Variants in TNNI3K observed in about 807,000 individuals in gnomAD.
The protein encoded by TNNI3K is serine/threonine-protein kinase TNNI3K.
Under a neutral mutation model 114.5 loss-of-function variants are expected in TNNI3K, and 140 were observed. That is an observed-to-expected ratio of 1.22 (90% CI 1.07 to 1.41). The LOEUF is 1.41. Among genes scored for constraint, TNNI3K ranks in the 40% most tolerant of loss-of-function variants. The pLI, the probability that TNNI3K is intolerant of heterozygous loss-of-function variation, is 0.00. For missense variants in TNNI3K, 1,125 were observed against 1,007.6 expected (o/e 1.12, Z -1.58); for synonymous variants, 347 against 347.5 (o/e 1.00, Z 0.02).
At chr1:74,270,378 A>C (rs1231472522) in intron 4 of TNNI3K, among the ~76,000 whole-genome samples, 1 of 151,762 alleles carries the variant, frequency 6.6e-6, no homozygotes, top group Non-Finnish European at 1.5e-5. Context: ...GAAAAAAAAA[A>C]CAAAACTTTT....
chr1:74,381,330 C>T (rs972076947), intron 17 of TNNI3K, among the ~76,000 whole-genome samples: 5 of 152,040 alleles, frequency 3.3e-5, no homozygotes, highest in Non-Finnish European at 7.4e-5. Flanking sequence ...ATTTCCAAGA[C>T]GGTTATATTT....
intron 5 of TNNI3K, among the ~76,000 whole-genome samples, chr1:74,327,507 A>AAT (rs1659972741): frequency 6.8e-6 from 1 of 146,926 alleles, no homozygotes; most frequent in African/African-American, 2.5e-5. Flanking sequence ...AGTAGCATTT[A>AAT]ATATATATAT....
chr1:74,519,869 T>G (rs1408951222), intron 23 of TNNI3K, among the ~76,000 whole-genome samples: 1 of 152,076 alleles, frequency 6.6e-6, no homozygotes, highest in Non-Finnish European at 1.5e-5. Flanking sequence ...GCAGTGTGGG[T>G]GTCCTATCTG....
At chr1:74,390,409 G>T (rs1663702322) in intron 17 of TNNI3K, among the ~76,000 whole-genome samples, 1 of 152,072 alleles carries the variant, frequency 6.6e-6, no homozygotes, top group African/African-American at 2.4e-5. Context: ...AATTATAAAA[G>T]GTACAGGAGT....
At chr1:74,458,333 A>T (rs1667313207) in intron 20 of TNNI3K, among the ~76,000 whole-genome samples, 1 of 152,206 alleles carries the variant, frequency 6.6e-6, no homozygotes, top group African/African-American at 2.4e-5. Context: ...ATTAATGCTC[A>T]TGAGGCAAAT....
intron 9 of TNNI3K, among the ~76,000 whole-genome samples, chr1:74,347,497 A>C (rs1439246244): frequency 6.6e-6 from 1 of 152,020 alleles, no homozygotes. Flanking sequence ...ATGATTTATA[A>C]TCCTCTGGGT....
chr1:74,387,988 G>T (rs919499432), intron 17 of TNNI3K, among the ~76,000 whole-genome samples: 7 of 152,012 alleles, frequency 4.6e-5, no homozygotes, highest in Non-Finnish European at 1.5e-5. Context: ...TACCTTTAAA[G>T]AACACTTAAG....
intron 17 of TNNI3K, among the ~76,000 whole-genome samples, chr1:74,429,231 G>T (rs1327028795): frequency 6.6e-6 from 1 of 152,072 alleles, no homozygotes; most frequent in East Asian, 1.9e-4. Context: ...ACCTAGCTAT[G>T]TAAGAAGCAG....
chr1:74,450,555 A>C (rs988997239), intron 20 of TNNI3K, among the ~76,000 whole-genome samples: 2 of 152,166 alleles, frequency 1.3e-5, no homozygotes, highest in African/African-American at 4.8e-5. Flanking sequence ...ACAAATTTAC[A>C]TGAAAAAAAA....
chr1:74,405,246 GT>G (rs1557546763), intron 17 of TNNI3K, among the ~76,000 whole-genome samples: 3 of 152,138 alleles, frequency 2.0e-5, no homozygotes, highest in African/African-American at 7.2e-5. Flanking sequence ...ACAAAAAGTT[GT>G]GGAGAGCTTA....
chr1:74,388,661 T>C (rs1367277582), intron 17 of TNNI3K, among the ~76,000 whole-genome samples: 1 of 152,234 alleles, frequency 6.6e-6, no homozygotes, highest in Non-Finnish European at 1.5e-5. Context: ...ACTTTATATT[T>C]ATTTATCTTT....
chr1:74,278,637 T>C (rs182919791), intron 5 of TNNI3K, among the ~76,000 whole-genome samples: 22 of 152,296 alleles, frequency 1.4e-4, no homozygotes, highest in Admixed American at 2.6e-4. Flanking sequence ...AATTCATCCA[T>C]TTAAAATGTA....
At chr1:74,350,933 G>A (rs552262531) in intron 9 of TNNI3K, among the ~76,000 whole-genome samples, 100 of 152,136 alleles carry the variant, frequency 6.6e-4, no homozygotes, top group African/African-American at 2.3e-3. Flanking sequence ...TTGCCAGTCT[G>A]TGCCTTTTAA....
chr1:74,500,706 A>C (rs969197772), intron 23 of TNNI3K, among the ~76,000 whole-genome samples: 1 of 145,614 alleles, frequency 6.9e-6, no homozygotes, highest in Non-Finnish European at 1.5e-5. Context: ...AAAAACACTT[A>C]TCTTCCCTCT....
At chr1:74,355,880 T>G (rs2100486054) in intron 11 of TNNI3K, among the ~76,000 whole-genome samples, 1 of 152,306 alleles carries the variant, frequency 6.6e-6, no homozygotes, top group South Asian at 2.1e-4. Flanking sequence ...TGGGCTTATT[T>G]TGCTTTTTAT....
At chr1:74,473,644 TC>T (rs1456262868) in intron 21 of TNNI3K, among the ~76,000 whole-genome samples, 4 of 152,030 alleles carry the variant, frequency 2.6e-5, no homozygotes, top group Non-Finnish European at 5.9e-5. Context: ...TCTCCAATTT[TC>T]CCCAAGAGGT....
intron 4 of TNNI3K, among the ~76,000 whole-genome samples, chr1:74,263,190 C>T (rs1256892068): frequency 6.6e-6 from 1 of 152,040 alleles, no homozygotes; most frequent in South Asian, 2.1e-4. Flanking sequence ...AAATGTAGAC[C>T]CATTATTTCC....
intron 17 of TNNI3K, among the ~76,000 whole-genome samples, chr1:74,411,075 A>C (rs375334461): frequency 2.6e-5 from 4 of 152,302 alleles, no homozygotes; most frequent in Admixed American, 6.5e-5. Flanking sequence ...TCCACATTTC[A>C]ATTTTATACC....
intron 11 of TNNI3K, among the ~76,000 whole-genome samples, chr1:74,363,433 C>T (rs1405416841): frequency 1.3e-5 from 2 of 152,018 alleles, no homozygotes; most frequent in Non-Finnish European, 2.9e-5. Flanking sequence ...TCATTAGGCT[C>T]TTGATGAAAA....
Sources: allele counts gnomAD v4.1 joint callset (sites outside exome capture counted in the v4.1 genomes callset), GRCh38; gene constraint gnomAD v4.1.1; transcripts MANE v1.5; gene names NCBI Gene and HGNC (gene_info 2026-07-23, HGNC 2026-07-21).